Variants in RDH10 observed in about 807,000 individuals in gnomAD.
The protein encoded by RDH10 is retinol dehydrogenase 10 (all-trans).
Under a neutral mutation model 30.2 loss-of-function variants are expected in RDH10, and 12 were observed. The observed-to-expected ratio is 0.40, with a 90% CI of 0.25 to 0.64. The LOEUF is 0.64. Among genes scored for constraint, RDH10 ranks in the 30% least tolerant of loss-of-function variants. RDH10 has a pLI of 0.43. For missense variants in RDH10, 268 were observed against 445.2 expected (o/e 0.60, Z 3.58); for synonymous variants, 189 against 172.2 (o/e 1.10, Z -0.76).
chr8:73,316,899 G>T (rs1019490453), intron 2 of RDH10, among the ~76,000 whole-genome samples: 1 of 152,098 alleles, frequency 6.6e-6, no homozygotes, highest in African/African-American at 2.4e-5. Flanking sequence ...AGATGGTGCT[G>T]AACCATACAT....
intron 2 of RDH10, among the ~76,000 whole-genome samples, chr8:73,317,621 T>C (rs1428993417): frequency 6.6e-6 from 1 of 151,990 alleles, no homozygotes; most frequent in Non-Finnish European, 1.5e-5. Flanking sequence ...CACACAAAAA[T>C]TATAACAAAT....
At chr8:73,301,444 A>G (rs72657772) in intron 2 of RDH10, among the ~76,000 whole-genome samples, 14,975 of 151,672 alleles carry the variant, frequency 0.099, 866 homozygotes, top group East Asian at 0.14. Context: ...ACATGGGTCT[A>G]TGTTCTGAAG....
At chr8:73,298,152 G>C (rs7843902) in intron 2 of RDH10, 90,621 of 152,518 alleles carry the variant, frequency 0.59, 27,148 homozygotes, top group South Asian at 0.77. Context: ...TTCATCTCAA[G>C]TTGTCTTCAG....
intron 2 of RDH10, among the ~76,000 whole-genome samples, chr8:73,318,299 G>C (rs1814709794): frequency 6.6e-6 from 1 of 152,068 alleles, no homozygotes; most frequent in Admixed American, 6.6e-5. Flanking sequence ...TAAGAAATCG[G>C]CGCCACCTCT....
intron 2 of RDH10, among the ~76,000 whole-genome samples, chr8:73,314,956 C>T (rs1238872655): frequency 2.0e-5 from 3 of 152,160 alleles, no homozygotes; most frequent in African/African-American, 7.2e-5. Context: ...CAGAACAAAA[C>T]AAATAATCTC....
At chr8:73,321,530 A>G (rs1235542500) in intron 4 of RDH10, among the ~76,000 whole-genome samples, 1 of 152,222 alleles carries the variant, frequency 6.6e-6, no homozygotes, top group African/African-American at 2.4e-5. Flanking sequence ...CAGATTTGGA[A>G]ACTTCCTTTT....
chr8:73,315,011 G>A (rs912716445), intron 2 of RDH10, among the ~76,000 whole-genome samples: 22 of 152,014 alleles, frequency 1.4e-4, no homozygotes, highest in Admixed American at 3.9e-4. Flanking sequence ...AGCATGTGTC[G>A]TACTTTACTC....
chr8:73,302,460 T>A (rs1814396521), intron 2 of RDH10, among the ~76,000 whole-genome samples: 1 of 151,862 alleles, frequency 6.6e-6, no homozygotes, highest in Non-Finnish European at 1.5e-5. Context: ...CCGAGGAGGG[T>A]GGATTGCTTG....
chr8:73,301,042 C>CT (rs57107587), intron 2 of RDH10, among the ~76,000 whole-genome samples: 7,859 of 87,182 alleles, frequency 0.09, 1,366 homozygotes, highest in Non-Finnish European at 0.1. Context: ...AAACTCTATT[C>CT]TTTTTTTTTT....
At position 73,295,427 on chromosome 8, in the gene RDH10, C is replaced by T. The variant is rs114165993; in HGVS notation, c.138C>T (p.Ser46=). Reference sequence around the variant, plus strand: ...TGTGCCTCATCACCGGCGCCGGCAGCGGCCTGGGCCGCCTCTTCGCGCTGG... The same window carrying T: ...TGTGCCTCATCACCGGCGCCGGCAGTGGCCTGGGCCGCCTCTTCGCGCTGG... ...GQVCLITGAG[S]GLGRLFALEF... The change falls in exon 1 of 6, where the codon AGC becomes AGT. Residue 46 remains serine, a synonymous_variant. Transcript: ENST00000240285. 1.1e-3 allele frequency: 1,744 copies of T among 1,547,100 alleles called. 14 individuals are homozygous for T. In the African/African-American group the frequency reaches 0.02, roughly 18 times the overall value.
rs1456075732 is a variant in RDH10, at chr8:73,323,075, G to A, written c.*39G>A. 1 of 1,541,374 alleles carries A rather than the reference G, an allele frequency of 6.5e-7. No homozygotes were observed. Among genetic ancestry groups the A allele is most frequent in the Non-Finnish European group, 9.0e-7 (1 of 1,115,244 alleles). On this transcript the variant is annotated 3_prime_UTR_variant, in exon 6 of 6. Coordinates refer to ENST00000240285, the MANE Select transcript of RDH10 (RefSeq NM_172037.5). ...TGGAATATTACTTCTATCAGAAGAT[G>A]ATCAAGATGTTTCAGTCCAGTGCAC...
In RDH10 at chr8:73,308,579, G is replaced by C. The variant is rs1208655988; in HGVS notation, c.526-10517G>C. Reference sequence around the variant, plus strand: ...AGCCTTCAAAGCCTCTGTGGATGCAGAGGGAAGGATTTGAAGTCTTTTAGG... The same window carrying C: ...AGCCTTCAAAGCCTCTGTGGATGCACAGGGAAGGATTTGAAGTCTTTTAGG... On this transcript the variant is annotated intron_variant, in intron 2 of 5. Coordinates refer to ENST00000240285, the MANE Select transcript of RDH10 (RefSeq NM_172037.5). Among the ~76,000 whole-genome samples, 4 of 152,202 alleles carry C rather than the reference G, an allele frequency of 2.6e-5. No homozygotes were observed. In the South Asian group the frequency reaches 8.3e-4, roughly 31 times the overall value.
rs976439647 is a variant in RDH10 at position 73,294,797 on chromosome 8, C to T, written c.-493C>T. 8.9e-5 allele frequency: 33 copies of T among 371,502 alleles called. No homozygotes were observed. The highest frequency in any genetic ancestry group is 1.2e-4 in the Non-Finnish European group (26 of 208,534). 23.0% of individuals were successfully genotyped at this position (371,502 alleles called of 1,614,324 possible). ...GCCGCCCCGCACCCCACTCTCCCAC[C>T]CTCTCGCAACTTGGGTCGAGTTGAC... On this transcript the variant is annotated 5_prime_UTR_variant, in exon 1 of 6. Transcript: ENST00000240285.
At chr8:73,302,160 C>T (rs1029439617) in intron 2 of RDH10, among the ~76,000 whole-genome samples, 31 of 152,176 alleles carry the variant, frequency 2.0e-4, no homozygotes, top group African/African-American at 7.2e-4. Context: ...TCTGCTGTGA[C>T]GCTTCATCTT....
Position 73,316,615 on chromosome 8 carries a change from C to G in RDH10, c.526-2481C>G, listed in dbSNP as rs74857340. 4.7e-3 allele frequency among the ~76,000 whole-genome samples: 719 copies of G among 152,282 alleles called. 7 individuals are homozygous for G. Among genetic ancestry groups the G allele is most frequent in the African/African-American group, 0.016 (677 of 41,554 alleles). On this transcript the variant is annotated intron_variant, in intron 2 of 5. Coordinates refer to ENST00000240285, the MANE Select transcript of RDH10 (RefSeq NM_172037.5). ...AAGTGTGTTCACTTGCTGTATTAGT[C>G]TGTTCTCATACTGCCATACAGAAAT...
At chr8:73,311,629 A>C (rs1814564736) in intron 2 of RDH10, 1 of 152,206 alleles carries the variant, frequency 6.6e-6, no homozygotes. Context: ...GCCTCACAAT[A>C]ATACATGTTT....
At chr8:73,298,367 G>A (rs1053522061) in intron 2 of RDH10, among the ~76,000 whole-genome samples, 2 of 152,144 alleles carry the variant, frequency 1.3e-5, no homozygotes, top group African/African-American at 4.8e-5. Flanking sequence ...TCCTAAATAG[G>A]TCACATTAAA....
At chr8:73,304,345 T>C (rs1814433004) in intron 2 of RDH10, among the ~76,000 whole-genome samples, 1 of 152,228 alleles carries the variant, frequency 6.6e-6, no homozygotes, top group African/African-American at 2.4e-5. Flanking sequence ...GTGCTTTGAT[T>C]GATCGCCCCT....
intron 2 of RDH10, among the ~76,000 whole-genome samples, chr8:73,317,110 G>A (rs1157788502): frequency 6.6e-6 from 1 of 152,260 alleles, no homozygotes; most frequent in East Asian, 1.9e-4. Flanking sequence ...CTTAGTCTGG[G>A]ACAGTCAGAC....
Sources: gnomAD v4.1 joint callset for allele counts (sites outside exome capture counted in the v4.1 genomes callset) on GRCh38, gnomAD v4.1.1 for gene constraint, MANE v1.5 for transcripts, NCBI Gene and HGNC (gene_info 2026-07-23, HGNC 2026-07-21) for gene names.